The following JAK1 variants were observed in gnomAD, a reference collection of about 807,000 sequenced individuals.
The protein encoded by JAK1 is Janus kinase 1.
Under a neutral mutation model 136.6 loss-of-function variants are expected in JAK1, and 16 were observed. The ratio of observed to expected loss-of-function variants is 0.12; its 90% CI spans 0.08 to 0.18. The LOEUF is 0.18. Among genes scored for constraint, JAK1 ranks in the 10% least tolerant of loss-of-function variants. The pLI is 1.00. For missense variants in JAK1, 859 were observed against 1,450.1 expected, an observed-to-expected ratio of 0.59 and a Z score of 6.62; for synonymous variants, 492 against 519.5, an observed-to-expected ratio of 0.95 and a Z score of 0.72.
rs72677613 is a variant in JAK1 at position 64,961,555 on chromosome 1, C to A, written c.-78+4778G>T. Among the ~76,000 whole-genome samples, 421 of 152,224 alleles carry A rather than the reference C, an allele frequency of 2.8e-3. 3 individuals carry two copies. Among genetic ancestry groups the A allele is most frequent in the Non-Finnish European group, 4.3e-3 (291 of 68,026 alleles). On this transcript the variant is annotated intron_variant, in intron 1 of 24. Transcript: ENST00000342505. The stretch of plus-strand genomic sequence containing the variant: ...TACGGTCTTCACAATCTGGATCCAA[C>A]CTGCATGTCCTGCCCTACCTCCTTC...
At chr1:64,932,532 T>A (rs996365804) in intron 1 of JAK1, among the ~76,000 whole-genome samples, 3 of 152,222 alleles carry the variant, frequency 2.0e-5, no homozygotes, top group Non-Finnish European at 4.4e-5. Context: ...CACTCACTCT[T>A]GCATCCAACA....
intron 2 of JAK1, among the ~76,000 whole-genome samples, chr1:64,978,186 G>A (rs1646513597): frequency 1.3e-5 from 2 of 152,098 alleles, no homozygotes; most frequent in South Asian, 4.1e-4. Context: ...GCTGAGGCAG[G>A]AGAATTGCTT....
intron 2 of JAK1, chr1:64,974,339 C>A (rs972588289): frequency 6.6e-6 from 1 of 152,168 alleles, no homozygotes; most frequent in Non-Finnish European, 1.5e-5. Context: ...GGAGTAATAC[C>A]AACTTAAGTT....
At chr1:65,032,177 G>C (rs1647029943) in intron 2 of JAK1, among the ~76,000 whole-genome samples, 1 of 151,580 alleles carries the variant, frequency 6.6e-6, no homozygotes, top group Non-Finnish European at 1.5e-5. Flanking sequence ...TATTGGCCAG[G>C]CTGGTCTCAA....
intron 1 of JAK1, among the ~76,000 whole-genome samples, chr1:64,904,093 CTA>C (rs1466143220): frequency 1.3e-5 from 2 of 152,148 alleles, no homozygotes; most frequent in Non-Finnish European, 2.9e-5. Context: ...GTATTAGACA[CTA>C]TGGTTCTAGT....
At chr1:64,851,751 A>G (rs1655611057) in intron 11 of JAK1, among the ~76,000 whole-genome samples, 1 of 152,234 alleles carries the variant, frequency 6.6e-6, no homozygotes, top group Non-Finnish European at 1.5e-5. Context: ...TCTGACTAGC[A>G]GGGAAAGTAT....
At chr1:64,989,359 A>T (rs1646633293) in intron 2 of JAK1, 1 of 151,456 alleles carries the variant, frequency 6.6e-6, no homozygotes, top group Admixed American at 6.6e-5. Context: ...AAATAAATAA[A>T]TAAATAAATA....
intron 2 of JAK1, among the ~76,000 whole-genome samples, chr1:65,018,965 C>A (rs989254149): frequency 3.7e-4 from 57 of 152,228 alleles, no homozygotes; most frequent in African/African-American, 1.2e-3. Flanking sequence ...GAGCCAAGAT[C>A]GCGCCACTGC....
intron 2 of JAK1, among the ~76,000 whole-genome samples, chr1:64,980,554 CT>C (rs550290962): frequency 0.065 from 9,270 of 142,134 alleles, 394 homozygotes; most frequent in Admixed American, 0.14. Flanking sequence ...TCTCAATTTT[CT>C]TTTTTTTTTT....
At chr1:64,966,104 G>A (rs988281364) in intron 1 of JAK1, among the ~76,000 whole-genome samples, 2 of 151,802 alleles carry the variant, frequency 1.3e-5, no homozygotes, top group African/African-American at 4.8e-5. Flanking sequence ...CCGGCCGGGG[G>A]CCCCCGCCCG....
intron 1 of JAK1, among the ~76,000 whole-genome samples, chr1:65,058,850 T>C (rs893025953): frequency 3.9e-5 from 6 of 152,146 alleles, no homozygotes; most frequent in Non-Finnish European, 8.8e-5. Flanking sequence ...TGACTGTGCC[T>C]CCCTGACCTC....
upstream of JAK1, among the ~76,000 whole-genome samples, chr1:64,967,160 G>A (rs536681958): frequency 2.0e-5 from 3 of 152,060 alleles, no homozygotes; most frequent in Non-Finnish European, 2.9e-5. Flanking sequence ...ACCTCTCAAA[G>A]TAGTAGCATC....
rs10700479 is a variant in JAK1, at chr1:65,033,725, C to CAAAAA, written c.-78+10750_-78+10754dup. On this transcript the variant is annotated intron_variant, in intron 2 of 25. Transcript: ENST00000671954. ...TAACATTGTGAGACTCCCGTAGTAC[C>CAAAAA]AAAAAAAAAAAAAAAAAAGGAAACA... Among the ~76,000 whole-genome samples, 186 of 89,216 alleles carry CAAAAA rather than the reference C, an allele frequency of 2.1e-3. 3 individuals carry two copies. The highest frequency in any genetic ancestry group is 7.1e-3 in the African/African-American group (172 of 24,100). The allele number at this position is 89,216 out of a possible 152,430, so 58.5% of individuals were successfully genotyped here.
intron 1 of JAK1, among the ~76,000 whole-genome samples, chr1:64,914,822 C>T (rs2100318969): frequency 6.6e-6 from 1 of 152,306 alleles, no homozygotes; most frequent in Admixed American, 6.5e-5. Flanking sequence ...TCTCTGCCTC[C>T]CAAAGTGCTA....
chr1:65,025,612 A>G (rs1002039882), intron 2 of JAK1, among the ~76,000 whole-genome samples: 1 of 152,166 alleles, frequency 6.6e-6, no homozygotes, highest in Non-Finnish European at 1.5e-5. Context: ...TAGGTTTGCT[A>G]CTTGCTAGCA....
chr1:64,981,142 A>G lies in JAK1; in HGVS notation c.-78+63338T>C, dbSNP rs74080242. On this transcript the variant is annotated intron_variant, in intron 2 of 25. Transcript: ENST00000671954. ...TGTCTCCACCTTGTTACACAGAGATAAGTGCCCTGGTAACTCTAAGAGAAA... is the reference window on the plus strand; with the variant it reads ...TGTCTCCACCTTGTTACACAGAGATGAGTGCCCTGGTAACTCTAAGAGAAA... Among the ~76,000 whole-genome samples the G allele has an allele frequency of 6.5e-3, 992 of 152,318 alleles. 12 individuals are homozygous for G. The highest frequency in any genetic ancestry group is 0.022 in the African/African-American group (903 of 41,578).
At position 65,053,053 on chromosome 1, in the gene JAK1, A is replaced by AAAAAAAAAG. The variant is rs1553185113; in HGVS notation, c.-180-8472_-180-8471insCTTTTTTTT. On this transcript the variant is annotated intron_variant, in intron 1 of 25. Coordinates refer to the JAK1 transcript ENST00000671954. Reference sequence around the variant, plus strand: ...CTCAAAAAAAAAAAAAAAAAAAAAAAAAAGACTAGAGGCTGGGCACAGTGG... The same window carrying AAAAAAAAAG: ...CTCAAAAAAAAAAAAAAAAAAAAAAAAAAAAAAAGAAAGACTAGAGGCTGGGCACAGTGG... Among the ~76,000 whole-genome samples, 163 of 133,774 alleles carry AAAAAAAAAG rather than the reference A, an allele frequency of 1.2e-3. 6 individuals are homozygous for AAAAAAAAAG. The highest frequency in any genetic ancestry group is 4.4e-3 in the African/African-American group (156 of 35,274). The allele number at this position is 133,774 out of a possible 152,430, so 87.8% of individuals were successfully genotyped here. A position where few individuals can be genotyped will look rare whatever the true frequency, so the allele number is the denominator to read the frequency against.
At chr1:64,986,079 T>C in intron 2 of JAK1, 1 of 1,092,030 alleles carries the variant, frequency 9.2e-7, no homozygotes, top group Non-Finnish European at 1.4e-6. Context: ...TGGGGTGACC[T>C]TCTATGTCCC....
chr1:64,885,646 G>A (rs1052334326), intron 2 of JAK1, among the ~76,000 whole-genome samples: 4 of 151,972 alleles, frequency 2.6e-5, no homozygotes, highest in Non-Finnish European at 4.4e-5. Context: ...CCACCTACTC[G>A]GGAGGCTGAG....
Sources: gnomAD v4.1 joint callset for allele counts (sites outside exome capture counted in the v4.1 genomes callset) on GRCh38, gnomAD v4.1.1 for gene constraint, MANE v1.5 for transcripts, NCBI Gene and HGNC (gene_info 2026-07-23, HGNC 2026-07-21) for gene names.